COPG2: variants seen among roughly 807,000 people sequenced by gnomAD.
COPG2 encodes the protein coat protein complex I subunit gamma 2, also known as coatomer subunit gamma-2.
COPG2 carries 37 observed loss-of-function variants against 46.3 expected under a neutral mutation model. That is an observed-to-expected ratio of 0.80 (90% CI 0.61 to 1.05). The LOEUF (loss-of-function observed/expected upper bound fraction) is 1.05. Ranked by LOEUF, COPG2 falls within the 50% of genes least tolerant of loss-of-function variation. COPG2 has a pLI of 0.00. For synonymous variants in COPG2, 159 were observed against 129.7 expected (o/e 1.23, Z -1.53); for missense variants, 427 against 387.8 (o/e 1.10, Z -0.85).
chr7:130,663,022 G>A lies in COPG2; in HGVS notation c.188C>T (p.Thr63Ile). 6.5e-7 allele frequency: 1 copy of A among 1,539,576 alleles called. No homozygotes were observed. The highest frequency in any genetic ancestry group is 2.4e-5 in the East Asian group (1 of 42,374). Residue 63 changes from threonine (T) to isoleucine (I), a missense_variant, in exon 4 of 24, where the codon ACA (threonine) becomes ATA (isoleucine). Thr to Ile is a moderately conservative substitution (Grantham distance 89). Coordinates refer to ENST00000425248, the MANE Select transcript of COPG2 (RefSeq NM_012133.6). ...AAAGAAGGCTTCTGTAGCTTCCGTTGTTCCAAAGTGTTCACCCTAAGTAAA... is the reference window on the plus strand; with the variant it reads ...AAAGAAGGCTTCTGTAGCTTCCGTTATTCCAAAGTGTTCACCCTAAGTAAA... ...YLLNQGEHFG[T>I]TEATEAFFAM... is the part of the protein sequence containing the mutation.
intron 20 of COPG2, chr7:130,546,834 ATTTGTTAAT>A: frequency 6.6e-6 from 1 of 152,322 alleles, no homozygotes; most frequent in African/African-American, 2.4e-5. Flanking sequence ...CTTTCCCAGT[ATTTGTTAAT>A]TTTTTAACTT....
At chr7:130,641,553 T>A (rs975146173) in intron 5 of COPG2, among the ~76,000 whole-genome samples, 1 of 152,224 alleles carries the variant, frequency 6.6e-6, no homozygotes, top group Non-Finnish European at 1.5e-5. Context: ...ATGTTAAAAC[T>A]GGGAAAGAGG....
chr7:130,555,048 G>T lies in COPG2; in HGVS notation c.1213C>A (p.Leu405Ile), dbSNP rs1793598578. 1 of 398,380 alleles carries T rather than the reference G, an allele frequency of 2.5e-6. No individual in the cohort carries two copies. Among genetic ancestry groups the T allele is most frequent in the African/African-American group, 2.1e-5 (1 of 48,636 alleles). The allele number at this position is 398,380 out of a possible 1,614,324, so 24.7% of individuals were successfully genotyped here. A position where few individuals can be genotyped will look rare whatever the true frequency, so the allele number is the denominator to read the frequency against. The change falls in exon 13 of 24, where the codon CTC (leucine) becomes ATC (isoleucine). Residue 405 changes from leucine (L) to isoleucine (I), a missense_variant. Transcript: ENST00000425248. Reference sequence around the variant, plus strand: ...AGTAGTCTACCTACATCATCTCGGAGCATGTTGGAGAGGAAAGTCATCATG... The same window carrying T: ...AGTAGTCTACCTACATCATCTCGGATCATGTTGGAGAGGAAAGTCATCATG... ...SVMMTFLSNM[L>I]RDDGGFEYKR...
chr7:130,555,985 G>C (rs1793617039), intron 12 of COPG2, among the ~76,000 whole-genome samples: 1 of 152,214 alleles, frequency 6.6e-6, no homozygotes, highest in Non-Finnish European at 1.5e-5. Flanking sequence ...AGCGATGAAA[G>C]ACAGTTAACT....
At chr7:130,601,818 A>G (rs568817408) in intron 9 of COPG2, among the ~76,000 whole-genome samples, 2 of 152,102 alleles carry the variant, frequency 1.3e-5, no homozygotes, top group Non-Finnish European at 2.9e-5. Context: ...AACTTAAAGT[A>G]TAATAAAAAA....
chr7:130,635,832 T>C (rs1340167210), intron 5 of COPG2, among the ~76,000 whole-genome samples: 1 of 152,044 alleles, frequency 6.6e-6, no homozygotes, highest in Non-Finnish European at 1.5e-5. Flanking sequence ...CTTTCTCCTG[T>C]GGGCATTTAG....
rs1410593726 is a variant in COPG2, at chr7:130,508,652, G to A, written c.2157C>T (p.Gly719=). 5.2e-6 allele frequency: 4 copies of A among 765,330 alleles called. No individual in the cohort carries two copies. In the Admixed American group the frequency reaches 7.1e-5, roughly 14 times the overall value. The allele number at this position is 765,330 out of a possible 1,614,324, so 47.4% of individuals were successfully genotyped here. ...LPDDDPTAVA[G]SFSCTMKFTV... The stretch of plus-strand genomic sequence containing the variant: ...TAAACTTCATGGTGCAGCTAAAGGA[G>A]CCTGCAACTGGAGGAGAAGGGAGGC... The change falls in exon 21 of 24, where the codon GGC becomes GGT. Residue 719 remains glycine (G), a synonymous_variant. Coordinates refer to ENST00000425248, the MANE Select transcript of COPG2 (RefSeq NM_012133.6).
chr7:130,621,936 T>C (rs1584585998), intron 5 of COPG2, among the ~76,000 whole-genome samples: 1 of 96,140 alleles, frequency 1.0e-5, no homozygotes, highest in Non-Finnish European at 1.8e-5. Context: ...AGAGCGAGAC[T>C]CCATCTCAAA....
chr7:130,508,669 A>G lies in COPG2; in HGVS notation c.2150-10T>C. 1 of 749,186 alleles carries G rather than the reference A, an allele frequency of 1.3e-6. No individual in the cohort carries two copies. Among genetic ancestry groups the G allele is most frequent in the Non-Finnish European group, 2.5e-6 (1 of 401,726 alleles). 46.4% of individuals were successfully genotyped at this position (749,186 alleles called of 1,614,324 possible). A position where few individuals can be genotyped will look rare whatever the true frequency, so the allele number is the denominator to read the frequency against. On this transcript the variant is annotated splice_polypyrimidine_tract_variant and intron_variant, in intron 20 of 23. Coordinates refer to ENST00000425248, the MANE Select transcript of COPG2 (RefSeq NM_012133.6). ...CTAAAGGAGCCTGCAACTGGAGGAG[A>G]AGGGAGGCAAACCTGCATCAGTGGG... is the stretch of plus-strand genomic sequence containing the variant.
intron 9 of COPG2, chr7:130,608,353 C>T (rs1794777576): frequency 3.6e-6 from 1 of 280,890 alleles, no homozygotes; most frequent in African/African-American, 2.3e-5. Context: ...TATAATTTAC[C>T]TACATATTTA....
chr7:130,528,033 C>T (rs1799790161), intron 20 of COPG2, among the ~76,000 whole-genome samples: 1 of 151,918 alleles, frequency 6.6e-6, no homozygotes, highest in African/African-American at 2.4e-5. Context: ...ATGGAGACAG[C>T]GTGGAAGAAG....
intron 20 of COPG2, among the ~76,000 whole-genome samples, chr7:130,522,210 AAG>A (rs1213111280): frequency 6.6e-5 from 10 of 152,246 alleles, no homozygotes; most frequent in African/African-American, 2.4e-4. Flanking sequence ...AGGTAGGACT[AAG>A]AGAGTCTTTA....
intron 9 of COPG2, among the ~76,000 whole-genome samples, chr7:130,606,054 G>C (rs370073906): frequency 2.2e-4 from 34 of 152,118 alleles, no homozygotes; most frequent in African/African-American, 6.5e-4. Context: ...TAAGAAATCT[G>C]ATCTTAAATG....
At chr7:130,586,034 C>T (rs1439663100) in intron 9 of COPG2, among the ~76,000 whole-genome samples, 1 of 151,984 alleles carries the variant, frequency 6.6e-6, no homozygotes, top group Non-Finnish European at 1.5e-5. Flanking sequence ...TATAGCAGTA[C>T]AATTTGCAAC....
intron 20 of COPG2, among the ~76,000 whole-genome samples, chr7:130,520,572 A>G (rs1398464501): frequency 1.3e-5 from 2 of 152,238 alleles, no homozygotes; most frequent in Non-Finnish European, 2.9e-5. Context: ...TTCTTGTGCT[A>G]ACAAAAACTT....
At chr7:130,634,089 T>C (rs1795283634) in intron 5 of COPG2, among the ~76,000 whole-genome samples, 1 of 152,234 alleles carries the variant, frequency 6.6e-6, no homozygotes, top group African/African-American at 2.4e-5. Flanking sequence ...GTATCTGTTT[T>C]GATACCAGTA....
At chr7:130,532,784 AGAG>A (rs1319613153) in intron 20 of COPG2, among the ~76,000 whole-genome samples, 1 of 152,160 alleles carries the variant, frequency 6.6e-6, no homozygotes, top group Non-Finnish European at 1.5e-5. Context: ...CATGGACAGC[AGAG>A]GAGGTGGATT....
At chr7:130,579,421 T>C (rs1283820252) in intron 9 of COPG2, among the ~76,000 whole-genome samples, 4 of 146,512 alleles carry the variant, frequency 2.7e-5, no homozygotes, top group African/African-American at 1.0e-4. Flanking sequence ...CCATCGAGAC[T>C]AGGAAGAAAC....
chr7:130,511,688 A>G (rs1257855359), intron 20 of COPG2: 1 of 513,356 alleles, frequency 1.9e-6, no homozygotes, highest in East Asian at 5.5e-5. Flanking sequence ...CAAAGGAAAG[A>G]AAATATTACA....
Sources: allele counts gnomAD v4.1 joint callset (sites outside exome capture counted in the v4.1 genomes callset), GRCh38; gene constraint gnomAD v4.1.1; transcripts MANE v1.5; gene names NCBI Gene and HGNC (gene_info 2026-07-23, HGNC 2026-07-21).